The following TEAD1 variants were observed in gnomAD, a reference collection of about 807,000 sequenced individuals.
TEAD1 encodes transcriptional enhancer factor TEF-1.
A neutral mutation model predicts 54.9 loss-of-function variants in TEAD1; 9 were observed. That is an observed-to-expected ratio of 0.16 (90% CI 0.10 to 0.29). The LOEUF (loss-of-function observed/expected upper bound fraction) is 0.29, where lower values mean the gene tolerates loss of function less well. Ranked by LOEUF, TEAD1 falls within the 10% of genes least tolerant of loss-of-function variation. The pLI is 1.00. For synonymous variants in TEAD1, 200 were observed against 187.8 expected (o/e 1.07, Z -0.53); for missense variants, 387 against 535.9 (o/e 0.72, Z 2.74).
chr11:12,906,489 CA>C (rs1948523069), intron 10 of TEAD1, among the ~76,000 whole-genome samples: 2 of 147,950 alleles, frequency 1.4e-5, no homozygotes, highest in East Asian at 2.0e-4. Context: ...TGCAGTGAGC[CA>C]AAGATCACGC....
At chr11:12,797,477 A>G (rs1050971223) in intron 3 of TEAD1, among the ~76,000 whole-genome samples, 2 of 150,376 alleles carry the variant, frequency 1.3e-5, no homozygotes, top group African/African-American at 4.9e-5. Context: ...GTGCTTTTGT[A>G]CCCCCTGGTG....
intron 2 of TEAD1, among the ~76,000 whole-genome samples, chr11:12,708,890 T>G (rs1943873436): frequency 6.6e-6 from 1 of 152,224 alleles, no homozygotes; most frequent in Non-Finnish European, 1.5e-5. Flanking sequence ...GTGTATTGAG[T>G]GCATATTATG....
At chr11:12,898,897 G>GGTCC (rs1268888596) in intron 9 of TEAD1, among the ~76,000 whole-genome samples, 7 of 152,148 alleles carry the variant, frequency 4.6e-5, no homozygotes, top group Non-Finnish European at 7.3e-5. Flanking sequence ...GTACCTTCAT[G>GGTCC]GTCCCCATTG....
At chr11:12,722,005 A>G (rs1944212167) in intron 2 of TEAD1, among the ~76,000 whole-genome samples, 1 of 152,222 alleles carries the variant, frequency 6.6e-6, no homozygotes, top group South Asian at 2.1e-4. Flanking sequence ...ATTCTGATTC[A>G]CTGGGTCTGG....
intron 10 of TEAD1, among the ~76,000 whole-genome samples, chr11:12,919,946 A>T (rs1410331417): frequency 6.6e-6 from 1 of 152,208 alleles, no homozygotes; most frequent in Admixed American, 6.5e-5. Flanking sequence ...TTTCAGGTGC[A>T]GTCTGAGTCC....
intron 2 of TEAD1, among the ~76,000 whole-genome samples, chr11:12,691,857 A>G (rs1943463860): frequency 6.6e-6 from 1 of 152,080 alleles, no homozygotes; most frequent in Non-Finnish European, 1.5e-5. Context: ...GTACGTTTGT[A>G]CTCATCTGTT....
chr11:12,688,826 G>A (rs1297315564), intron 2 of TEAD1, among the ~76,000 whole-genome samples: 1 of 152,154 alleles, frequency 6.6e-6, no homozygotes, highest in East Asian at 1.9e-4. Context: ...CCAACCCATT[G>A]AGAAGTCTCT....
At chr11:12,865,377 A>G (rs913325565) in intron 5 of TEAD1, 2 of 164,188 alleles carry the variant, frequency 1.2e-5, no homozygotes, top group African/African-American at 4.8e-5. Flanking sequence ...CATGCTTTTG[A>G]TGTATTTTTA....
intron 3 of TEAD1, among the ~76,000 whole-genome samples, chr11:12,765,801 G>A (rs55901795): frequency 2.0e-5 from 3 of 152,264 alleles, no homozygotes; most frequent in South Asian, 4.2e-4. Flanking sequence ...AAGCCTCTTC[G>A]TATCTGGTGA....
intron 3 of TEAD1, among the ~76,000 whole-genome samples, chr11:12,831,985 C>T (rs993949588): frequency 5.3e-5 from 8 of 152,032 alleles, no homozygotes; most frequent in East Asian, 1.9e-4. Flanking sequence ...AGCTGCCCCC[C>T]GGCAAGTTTC....
chr11:12,686,328 CCAGGCCA>C, intron 2 of TEAD1, among the ~76,000 whole-genome samples: 1 of 152,064 alleles, frequency 6.6e-6, no homozygotes, highest in Admixed American at 6.5e-5. Context: ...AAGGATTGTC[CCAGGCCA>C]TTTCTGAGGC....
chr11:12,939,046 G>C lies in TEAD1; in HGVS notation c.*1824G>C, dbSNP rs559172316. On this transcript the variant is annotated 3_prime_UTR_variant, in exon 13 of 13. Coordinates refer to ENST00000527636, the MANE Select transcript of TEAD1 (RefSeq NM_021961.6). ...CAGCATCTTGTGGTCCCTAACATGA[G>C]GATGTGGCTGGCTCGTGGGAAACAG... 6.6e-6 allele frequency: 1 copy of C among 152,306 alleles called. No homozygotes were observed. The highest frequency in any genetic ancestry group is 2.1e-4 in the South Asian group (1 of 4,824). 9.4% of individuals were successfully genotyped at this position (152,306 alleles called of 1,614,324 possible). A position where few individuals can be genotyped will look rare whatever the true frequency, so the allele number is the denominator to read the frequency against.
intron 2 of TEAD1, among the ~76,000 whole-genome samples, chr11:12,728,713 T>TA (rs1383911290): frequency 3.9e-5 from 6 of 152,218 alleles, no homozygotes; most frequent in Non-Finnish European, 8.8e-5. Flanking sequence ...CTGTGGTTGA[T>TA]AAAATAAATA....
At chr11:12,834,738 A>G (rs112419716) in intron 3 of TEAD1, among the ~76,000 whole-genome samples, 2 of 14,868 alleles carry the variant, frequency 1.3e-4, no homozygotes, top group African/African-American at 2.3e-4. Flanking sequence ...TTGGGATTAC[A>G]GAGGTTCACA....
At chr11:12,906,160 C>T (rs1191179814) in intron 10 of TEAD1, among the ~76,000 whole-genome samples, 1 of 151,974 alleles carries the variant, frequency 6.6e-6, no homozygotes, top group Non-Finnish European at 1.5e-5. Flanking sequence ...CCCTTAAAGC[C>T]CGTATGAATG....
intron 11 of TEAD1, among the ~76,000 whole-genome samples, chr11:12,927,322 A>G (rs1391812161): frequency 6.6e-6 from 1 of 152,196 alleles, no homozygotes; most frequent in Non-Finnish European, 1.5e-5. Context: ...ATTCTTTCCC[A>G]GTTAAACAGA....
In TEAD1 at chr11:12,855,470, A is replaced by G. The variant is rs187270200; in HGVS notation, c.203-6780A>G. Among the ~76,000 whole-genome samples the G allele has an allele frequency of 4.8e-3, 723 of 151,688 alleles. 5 individuals carry two copies. The highest frequency in any genetic ancestry group is 0.044 in the Middle Eastern group (13 of 294). On this transcript the variant is annotated intron_variant, in intron 3 of 12. Transcript: ENST00000527636. Reference sequence around the variant, plus strand: ...ACGCCCAGCTTATTTTTGTATTTTTAGTAGAGATGGGGTTTCACCATATTG... The same window carrying G: ...ACGCCCAGCTTATTTTTGTATTTTTGGTAGAGATGGGGTTTCACCATATTG...
At chr11:12,724,721 C>A (rs1318901688) in intron 2 of TEAD1, among the ~76,000 whole-genome samples, 1 of 152,210 alleles carries the variant, frequency 6.6e-6, no homozygotes, top group South Asian at 2.1e-4. Context: ...GGCAGAACCT[C>A]CTGCTCAGTG....
chr11:12,943,162 G>T lies in TEAD1; in HGVS notation c.*5940G>T, dbSNP rs1014377576. Reference sequence around the variant, plus strand: ...TAGGAGTGATTCTTATCCACTCCAAGTTGTAAGTATTTGTAGAAATTTGTG... The same window carrying T: ...TAGGAGTGATTCTTATCCACTCCAATTTGTAAGTATTTGTAGAAATTTGTG... On this transcript the variant is annotated 3_prime_UTR_variant, in exon 13 of 13. Transcript: ENST00000527636. 3.9e-5 allele frequency: 6 copies of T among 152,186 alleles called. No homozygotes were observed. Among genetic ancestry groups the T allele is most frequent in the African/African-American group, 1.4e-4 (6 of 41,444 alleles). The allele number at this position is 152,186 out of a possible 1,614,324, so 9.4% of individuals were successfully genotyped here.
Sources: allele counts gnomAD v4.1 joint callset (sites outside exome capture counted in the v4.1 genomes callset), GRCh38; gene constraint gnomAD v4.1.1; transcripts MANE v1.5; gene names NCBI Gene and HGNC (gene_info 2026-07-23, HGNC 2026-07-21).